PTPRT: variants seen among roughly 807,000 people sequenced by gnomAD.
The protein encoded by PTPRT is receptor-type tyrosine-protein phosphatase T.
A neutral mutation model predicts 176.8 loss-of-function variants in PTPRT; 56 were observed. The ratio of observed to expected loss-of-function variants is 0.32; its 90% confidence interval spans 0.26 to 0.40. The LOEUF (loss-of-function observed/expected upper bound fraction) is 0.40. Among genes scored for constraint, PTPRT ranks in the 10% least tolerant of loss-of-function variants. The pLI is 1.00. For synonymous variants in PTPRT, 783 were observed against 739.0 expected (o/e 1.06, Z -0.96); for missense variants, 1,540 against 1,908.2 (o/e 0.81, Z 3.60).
At chr20:43,122,648 C>T (rs890855857) in intron 1 of PTPRT, among the ~76,000 whole-genome samples, 44 of 152,282 alleles carry the variant, frequency 2.9e-4, no homozygotes, top group African/African-American at 9.9e-4. Flanking sequence ...CCTTGGGCCT[C>T]CCCCTTCTCT....
At chr20:43,153,313 C>A (rs1258188522) in intron 1 of PTPRT, among the ~76,000 whole-genome samples, 1 of 152,100 alleles carries the variant, frequency 6.6e-6, no homozygotes, top group East Asian at 1.9e-4. Context: ...CACAGAATAG[C>A]AAATAATAAT....
chr20:42,052,884 G>T, the PTPRT span, among the ~76,000 whole-genome samples: 2 of 152,130 alleles, frequency 1.3e-5, no homozygotes, highest in Non-Finnish European at 2.9e-5. Flanking sequence ...TTTCATCCCA[G>T]CTACTTGTAG....
chr20:42,878,251 T>C (rs1253816521), intron 2 of PTPRT, among the ~76,000 whole-genome samples: 1 of 152,210 alleles, frequency 6.6e-6, no homozygotes, highest in African/African-American at 2.4e-5. Flanking sequence ...AATGGGAAAC[T>C]ATGAAACCTT....
chr20:42,876,539 C>G (rs973820523), intron 2 of PTPRT, among the ~76,000 whole-genome samples: 5 of 152,086 alleles, frequency 3.3e-5, no homozygotes, highest in Non-Finnish European at 2.9e-5. Flanking sequence ...GAACCCAGAC[C>G]AATCAGGACC....
intron 9 of PTPRT, among the ~76,000 whole-genome samples, chr20:42,419,451 T>C (rs1208161454): frequency 6.6e-6 from 1 of 152,188 alleles, no homozygotes; most frequent in Admixed American, 6.5e-5. Context: ...TATTTTAGCA[T>C]GTCTCTGCTT....
At chr20:42,533,605 T>C (rs111264967) in intron 7 of PTPRT, among the ~76,000 whole-genome samples, 2,159 of 152,326 alleles carry the variant, frequency 0.014, 52 homozygotes, top group African/African-American at 0.05. Flanking sequence ...GCTATGTAAC[T>C]TTGGGCAAGT....
At chr20:43,151,792 G>C (rs1600752187) in intron 1 of PTPRT, among the ~76,000 whole-genome samples, 1 of 152,024 alleles carries the variant, frequency 6.6e-6, no homozygotes, top group South Asian at 2.1e-4. Flanking sequence ...GAACCCGGGA[G>C]GCAGAGGTTG....
intron 6 of PTPRT, among the ~76,000 whole-genome samples, chr20:42,680,887 G>T (rs115102821): frequency 6.6e-6 from 1 of 152,104 alleles, no homozygotes; most frequent in East Asian, 1.9e-4. Context: ...AATGACTTGC[G>T]ACTTCACACA....
At chr20:42,789,817 C>T (rs547033698) in intron 3 of PTPRT, among the ~76,000 whole-genome samples, 1 of 152,106 alleles carries the variant, frequency 6.6e-6, no homozygotes. Context: ...GTTACCAAGG[C>T]AAAAGGGAAA....
chr20:42,938,028 T>C (rs1255500849), intron 1 of PTPRT, among the ~76,000 whole-genome samples: 1 of 152,206 alleles, frequency 6.6e-6, no homozygotes, highest in Admixed American at 6.5e-5. Context: ...GTGTTAAAGA[T>C]TTTATCATCA....
chr20:42,172,707 T>C (rs1258965851), intron 16 of PTPRT, among the ~76,000 whole-genome samples: 1 of 152,200 alleles, frequency 6.6e-6, no homozygotes, highest in African/African-American at 2.4e-5. Context: ...TCAGATTTCA[T>C]TAGTTTTACA....
intron 2 of PTPRT, among the ~76,000 whole-genome samples, chr20:42,794,299 C>T (rs1317912138): frequency 6.6e-6 from 1 of 152,092 alleles, no homozygotes; most frequent in African/African-American, 2.4e-5. Flanking sequence ...GTAAAAGCTG[C>T]CTCCCTCTCA....
chr20:42,272,778 C>T (rs187146673), intron 13 of PTPRT, among the ~76,000 whole-genome samples: 39 of 152,232 alleles, frequency 2.6e-4, no homozygotes, highest in Admixed American at 1.3e-3. Flanking sequence ...TCCTGGGTGG[C>T]CCCTGATCAC....
At chr20:42,250,084 A>G (rs571252089) in intron 13 of PTPRT, among the ~76,000 whole-genome samples, 2 of 152,096 alleles carry the variant, frequency 1.3e-5, no homozygotes, top group East Asian at 3.9e-4. Context: ...CTCTTCTCTA[A>G]ATTCTATTAA....
intron 25 of PTPRT, among the ~76,000 whole-genome samples, chr20:42,102,655 G>C (rs752522332): frequency 1.3e-5 from 2 of 152,170 alleles, no homozygotes; most frequent in Non-Finnish European, 2.9e-5. Context: ...ACAGAGGGGT[G>C]GGGGTAGGGA....
At chr20:42,940,534 G>A (rs890249675) in intron 1 of PTPRT, among the ~76,000 whole-genome samples, 6 of 152,130 alleles carry the variant, frequency 3.9e-5, no homozygotes, top group Admixed American at 3.9e-4. Context: ...AAGAGGAGAT[G>A]GGAGACTGTT....
At chr20:42,381,879 G>C (rs895278819) in intron 9 of PTPRT, among the ~76,000 whole-genome samples, 1 of 151,904 alleles carries the variant, frequency 6.6e-6, no homozygotes, top group African/African-American at 2.4e-5. Flanking sequence ...GCCTTTTTTT[G>C]TATAAAAGAA....
At chr20:43,152,947 T>C (rs2014405856) in intron 1 of PTPRT, among the ~76,000 whole-genome samples, 1 of 152,168 alleles carries the variant, frequency 6.6e-6, no homozygotes. Flanking sequence ...TACCTACTTG[T>C]TCTACATTTT....
In PTPRT at chr20:43,105,379, A is replaced by T. The variant is rs572719740; in HGVS notation, c.88+84267T>A. On this transcript the variant is annotated intron_variant, in intron 1 of 30. Transcript: ENST00000373187. ...CAATAGCTTTACCGACTCCATGAAGATCAGTAGTTCATTCTCTTCTGATAC... is the reference window on the plus strand; with the variant it reads ...CAATAGCTTTACCGACTCCATGAAGTTCAGTAGTTCATTCTCTTCTGATAC... Among the ~76,000 whole-genome samples the T allele has an allele frequency of 9.1e-4, 137 of 151,218 alleles. 1 individual carries two copies. Among genetic ancestry groups the T allele is most frequent in the African/African-American group, 3.3e-3 (134 of 41,148 alleles).
Sources: gnomAD v4.1 joint callset for allele counts (sites outside exome capture counted in the v4.1 genomes callset) on GRCh38, gnomAD v4.1.1 for gene constraint, MANE v1.5 for transcripts, NCBI Gene and HGNC (gene_info 2026-07-23, HGNC 2026-07-21) for gene names.